Variants in ELMO1 observed in about 807,000 individuals in gnomAD.
The protein encoded by ELMO1 is engulfment and cell motility 1, also known as engulfment and cell motility protein 1.
A neutral mutation model predicts 98.9 loss-of-function variants in ELMO1; 26 were observed. That is an observed-to-expected ratio of 0.26 (90% CI 0.19 to 0.36). The LOEUF is 0.36. ELMO1 is among the 10% of genes least tolerant of loss of function. ELMO1 has a pLI of 1.00. For synonymous variants in ELMO1, 346 were observed against 346.0 expected (o/e 1.00, Z 0.00); for missense variants, 627 against 935.2 (o/e 0.67, Z 4.30).
chr7:37,204,166 T>G (rs970138976), intron 13 of ELMO1: 9 of 456,352 alleles, frequency 2.0e-5, no homozygotes, highest in Admixed American at 1.9e-4. Flanking sequence ...CCCATCTGGG[T>G]GGCCAAAATG....
chr7:36,973,383 C>T (rs1161705868), intron 16 of ELMO1, among the ~76,000 whole-genome samples: 1 of 152,180 alleles, frequency 6.6e-6, no homozygotes, highest in East Asian at 1.9e-4. Context: ...TAACAATGTC[C>T]CATTAGGGCC....
chr7:37,021,256 G>C (rs1174863154), intron 15 of ELMO1, among the ~76,000 whole-genome samples: 2 of 152,148 alleles, frequency 1.3e-5, no homozygotes, highest in Non-Finnish European at 2.9e-5. Flanking sequence ...GCTATTTCAG[G>C]ACAGGGGATC....
At position 37,075,020 on chromosome 7, in the gene ELMO1, A is replaced by G. The variant is rs544909531; in HGVS notation, c.1300+21599T>C. Among the ~76,000 whole-genome samples, 5 of 152,226 alleles carry G rather than the reference A, an allele frequency of 3.3e-5. No homozygotes were observed. In the East Asian group the frequency reaches 9.7e-4, roughly 29 times the overall value. On this transcript the variant is annotated intron_variant, in intron 15 of 21. Transcript: ENST00000310758. Reference sequence around the variant, plus strand: ...GCTTTCTCATGCCGCACTTATTCCCATTCCCTGGATTGTGTGTGAAGATGT... The same window carrying G: ...GCTTTCTCATGCCGCACTTATTCCCGTTCCCTGGATTGTGTGTGAAGATGT...
intron 1 of ELMO1, among the ~76,000 whole-genome samples, chr7:37,380,648 T>C (rs1235063675): frequency 6.6e-6 from 1 of 152,248 alleles, no homozygotes; most frequent in Admixed American, 6.5e-5. Context: ...TTGCCAACAC[T>C]AAATGATCGC....
intron 16 of ELMO1, among the ~76,000 whole-genome samples, chr7:36,976,817 T>C (rs1195908421): frequency 1.3e-5 from 2 of 152,246 alleles, no homozygotes; most frequent in Non-Finnish European, 2.9e-5. Context: ...TAAGGCTAAT[T>C]ATCCATGCCT....
rs187627838 is a variant in ELMO1 at position 37,108,269 on chromosome 7, T to C, written c.1192-11542A>G. ...GGATCTCCCTCTGGTACAGCTCTCC[T>C]ACCAGGCTAGGCCCAGACATGGCTC... On this transcript the variant is annotated intron_variant, in intron 14 of 21. Coordinates refer to ENST00000310758, the MANE Select transcript of ELMO1 (RefSeq NM_014800.11). 3.9e-3 allele frequency among the ~76,000 whole-genome samples: 589 copies of C among 152,256 alleles called. 5 individuals carry two copies. Among genetic ancestry groups the C allele is most frequent in the African/African-American group, 0.013 (560 of 41,538 alleles).
chr7:37,161,037 C>T (rs1789169260), intron 13 of ELMO1, among the ~76,000 whole-genome samples: 2 of 152,172 alleles, frequency 1.3e-5, no homozygotes, highest in Admixed American at 6.5e-5. Context: ...TCTCACTGGC[C>T]TGCTGTGAGG....
chr7:37,210,906 T>C (rs1792926778), intron 13 of ELMO1, among the ~76,000 whole-genome samples: 1 of 152,212 alleles, frequency 6.6e-6, no homozygotes, highest in Non-Finnish European at 1.5e-5. Context: ...GACAACCTAT[T>C]AGCATTCATA....
intron 15 of ELMO1, among the ~76,000 whole-genome samples, chr7:37,071,468 A>C (rs1017399845): frequency 6.6e-6 from 1 of 152,208 alleles, no homozygotes; most frequent in African/African-American, 2.4e-5. Flanking sequence ...ACTGTGTTTC[A>C]GAGTCTTGAG....
chr7:37,430,683 T>G (rs1420535001), intron 1 of ELMO1, among the ~76,000 whole-genome samples: 2 of 152,216 alleles, frequency 1.3e-5, no homozygotes, highest in Non-Finnish European at 2.9e-5. Flanking sequence ...GGAGAAGAGG[T>G]TCAAAACTCA....
intron 16 of ELMO1, among the ~76,000 whole-genome samples, chr7:36,945,287 C>CA (rs1275810484): frequency 2.0e-5 from 3 of 152,186 alleles, no homozygotes; most frequent in Non-Finnish European, 2.9e-5. Context: ...TCCTCTGACT[C>CA]ACTTTTATAT....
intron 1 of ELMO1, among the ~76,000 whole-genome samples, chr7:37,424,547 C>A (rs1424890016): frequency 6.6e-6 from 1 of 152,158 alleles, no homozygotes; most frequent in Non-Finnish European, 1.5e-5. Flanking sequence ...TCAATATTAG[C>A]AATTGGGCTA....
At chr7:37,416,474 T>C (rs1231183583) in intron 1 of ELMO1, among the ~76,000 whole-genome samples, 1 of 152,196 alleles carries the variant, frequency 6.6e-6, no homozygotes, top group Non-Finnish European at 1.5e-5. Flanking sequence ...AAAGGACCTA[T>C]GGCCACCTCA....
At chr7:37,419,019 C>T (rs973973962) in intron 1 of ELMO1, among the ~76,000 whole-genome samples, 1 of 151,992 alleles carries the variant, frequency 6.6e-6, no homozygotes, top group Non-Finnish European at 1.5e-5. Flanking sequence ...AGAGACTCCC[C>T]CATAACCCCA....
chr7:37,197,454 C>T (rs1194796139), intron 13 of ELMO1, among the ~76,000 whole-genome samples: 2 of 152,224 alleles, frequency 1.3e-5, no homozygotes, highest in South Asian at 2.1e-4. Flanking sequence ...GGACGTCGTG[C>T]TCACACCTCC....
chr7:36,913,173 T>C (rs1784453966), intron 16 of ELMO1, among the ~76,000 whole-genome samples: 1 of 152,208 alleles, frequency 6.6e-6, no homozygotes, highest in East Asian at 1.9e-4. Flanking sequence ...TAAATTCACA[T>C]TGGCCACATT....
At chr7:37,350,461 A>G (rs1801210153) in intron 1 of ELMO1, among the ~76,000 whole-genome samples, 1 of 152,222 alleles carries the variant, frequency 6.6e-6, no homozygotes, top group South Asian at 2.1e-4. Flanking sequence ...GGAGTGGCAG[A>G]CAGGCGCCTA....
intron 13 of ELMO1, among the ~76,000 whole-genome samples, chr7:37,182,883 T>C (rs1293261850): frequency 1.3e-5 from 2 of 152,112 alleles, no homozygotes; most frequent in African/African-American, 2.4e-5. Flanking sequence ...GGGGCCCTCA[T>C]AGGTGGTAAG....
In ELMO1 at chr7:36,854,290, A is replaced by G. The variant is rs1300916201; in HGVS notation, c.*1261T>C. The stretch of plus-strand genomic sequence containing the variant: ...AGCTGAAGAGCTGGCATCTCCAACA[A>G]GCTCCCAGGTGATGCTGATGACTGA... On this transcript the variant is annotated 3_prime_UTR_variant, in exon 22 of 22. Coordinates refer to ENST00000310758, the MANE Select transcript of ELMO1 (RefSeq NM_014800.11). 1 of 152,188 alleles carries G rather than the reference A, an allele frequency of 6.6e-6. No homozygotes were observed. Among genetic ancestry groups the G allele is most frequent in the Non-Finnish European group, 1.5e-5 (1 of 68,020 alleles). The allele number at this position is 152,188 out of a possible 1,614,324, so 9.4% of individuals were successfully genotyped here. A position where few individuals can be genotyped will look rare whatever the true frequency, so the allele number is the denominator to read the frequency against.
Sources: allele counts gnomAD v4.1 joint callset (sites outside exome capture counted in the v4.1 genomes callset), GRCh38; gene constraint gnomAD v4.1.1; transcripts MANE v1.5; gene names NCBI Gene and HGNC (gene_info 2026-07-23, HGNC 2026-07-21).